VWF: variants seen among roughly 807,000 people sequenced by gnomAD.
VWF encodes the protein von Willebrand factor.
Under a neutral mutation model 308.6 loss-of-function variants are expected in VWF, and 176 were observed. That is an observed-to-expected ratio of 0.57 (90% CI 0.50 to 0.65). The LOEUF (loss-of-function observed/expected upper bound fraction) is 0.65, where lower values mean the gene tolerates loss of function less well. VWF is among the 30% of genes least tolerant of loss of function. The pLI is 0.00. For synonymous variants in VWF, 1,385 were observed against 1,443.4 expected, an observed-to-expected ratio of 0.96 and a Z score of 0.92; for missense variants, 3,146 against 3,648.2, an observed-to-expected ratio of 0.86 and a Z score of 3.55.
At chr12:6,123,219 A>G (rs752390008) in intron 1 of VWF, 23 bp from the exon 2 acceptor site, 14 of 1,614,178 alleles carry the variant, frequency 8.7e-6, no homozygotes, top group Middle Eastern at 3.3e-4. Flanking sequence ...AAGAGACGTG[A>G]GCTGGTCATT....
rs267607326 is a variant in VWF, at chr12:6,022,841, T to C, written c.3437A>G (p.Tyr1146Cys). The change falls in exon 26 of 52, where the codon TAT (tyrosine) becomes TGT (cysteine). Residue 1146 changes from tyrosine (Y) to cysteine (C), a missense_variant. Tyr to Cys is a radical substitution (Grantham distance 194, BLOSUM62 -2). Coordinates refer to ENST00000261405, the MANE Select transcript of VWF (RefSeq NM_000552.5). ...TTGACAGGCAGGTGCACAGCTGTTA[T>C]AGCGCCACTCACACTCATACCCGTT... The part of the protein sequence containing the change: ...RENGYECEWR[Y>C]NSCAPACQVT... The C allele has an allele frequency of 1.8e-6, 1 of 543,518 alleles. No homozygotes were observed. The highest frequency in any genetic ancestry group is 2.6e-5 in the African/African-American group (1 of 37,812). The allele number at this position is 543,518 out of a possible 1,614,324, so 33.7% of individuals were successfully genotyped here.
Position 6,022,384 on chromosome 12 carries a change from T to C in VWF, c.3539-349A>G, listed in dbSNP as rs543490361. On this transcript the variant is annotated intron_variant, in intron 26 of 51. Transcript: ENST00000261405. ...AGGATCGTCACAAACTGCGTGTGGCTATTTACGTTAAATTAAGTAAAATTC... is the reference window on the plus strand; with the variant it reads ...AGGATCGTCACAAACTGCGTGTGGCCATTTACGTTAAATTAAGTAAAATTC... Among the ~76,000 whole-genome samples, 11 of 152,284 alleles carry C rather than the reference T, an allele frequency of 7.2e-5. No individual in the cohort carries two copies. The South Asian group carries it at 2.1e-3, about 29-fold the overall frequency.
At chr12:6,030,288 A>C (rs940010255) in intron 21 of VWF, among the ~76,000 whole-genome samples, 27 of 152,210 alleles carry the variant, frequency 1.8e-4, no homozygotes, top group African/African-American at 6.3e-4. Context: ...ACTCTGCCCT[A>C]AATAGAGCTG....
intron 18 of VWF, among the ~76,000 whole-genome samples, chr12:6,039,507 C>T (rs927467896): frequency 1.3e-5 from 2 of 152,180 alleles, no homozygotes; most frequent in Admixed American, 6.5e-5. Flanking sequence ...CAGAAGCTTG[C>T]GAGGAGGAGA....
At chr12:6,110,674 T>C (rs1182138199) in intron 4 of VWF, 92 bp from the exon 5 acceptor site, 7 of 1,456,364 alleles carry the variant, frequency 4.8e-6, no homozygotes, top group Non-Finnish European at 6.7e-6. Flanking sequence ...TGTTGTAGGG[T>C]TCAGAACATG....
Position 6,044,303 on chromosome 12 carries a change from G to A in VWF, c.2430C>T (p.Cys810=), listed in dbSNP as rs746648486. ...CCTGGTGACTCACCATGCCCGGGGGGCAGAGGCAGCCAGAGACACAGCCCA... is the reference window on the plus strand; with the variant it reads ...CCTGGTGACTCACCATGCCCGGGGGACAGAGGCAGCCAGAGACACAGCCCA... ...MSMGCVSGCL[C]PPGMVRHENR... Residue 810 remains cysteine (C), a synonymous_variant, in exon 18 of 52, where the codon TGC becomes TGT. Transcript: ENST00000261405. The A allele has an allele frequency of 3.1e-6, 5 of 1,613,976 alleles. No individual in the cohort carries two copies. The South Asian group carries it at 3.3e-5, about 11-fold the overall frequency.
chr12:6,095,614 C>T, intron 5 of VWF, 30 bp from the exon 6 acceptor site: 2 of 1,613,970 alleles, frequency 1.2e-6, no homozygotes, highest in African/African-American at 2.7e-5. Flanking sequence ...GAAAGTAATG[C>T]TTCAGTTATG....
At position 6,058,519 on chromosome 12, in the gene VWF, C is replaced by T. The variant is rs1944618641; in HGVS notation, c.1534-475G>A. On this transcript the variant is annotated intron_variant, in intron 13 of 51. Coordinates refer to ENST00000261405, the MANE Select transcript of VWF (RefSeq NM_000552.5). The surrounding 1 kb of genome is among the most constrained non-coding windows in gnomAD (Gnocchi z 4.9). ...ATAGAAAGACTTCGCGTTGGTCACT[C>T]GGTGTGGGCCCAGCAGGCTGCCAGG... Among the ~76,000 whole-genome samples, 1 of 152,172 alleles carries T rather than the reference C, an allele frequency of 6.6e-6. No individual in the cohort carries two copies. The highest frequency in any genetic ancestry group is 2.4e-5 in the African/African-American group (1 of 41,432).
Position 5,952,474 on chromosome 12 carries a change from C to T in VWF, c.8032G>A (p.Val2678Ile). 6.2e-7 allele frequency: 1 copy of T among 1,614,114 alleles called. No homozygotes were observed. Among genetic ancestry groups the T allele is most frequent in the Non-Finnish European group, 8.5e-7 (1 of 1,179,984 alleles). Reference protein sequence around the residue: ...QDGCDTHFCKVNERGEYFWEK... With the variant: ...QDGCDTHFCKINERGEYFWEK... Reference sequence around the variant, plus strand: ...CAGAAGTACTCTCCTCTCTCATTGACCTTGCAGAAGTGAGTATCACAGCCA... The same window carrying T: ...CAGAAGTACTCTCCTCTCTCATTGATCTTGCAGAAGTGAGTATCACAGCCA... Residue 2678 changes from valine to isoleucine, a missense_variant, in exon 49 of 52, where the codon GTC (valine) becomes ATC (isoleucine). Physicochemically the swap from Val to Ile is conservative, Grantham distance 29. This residue lies in a region of VWF where 989 missense variants were observed against 1,117.4 expected (regional missense o/e 0.89). Coordinates refer to ENST00000261405, the MANE Select transcript of VWF (RefSeq NM_000552.5).
In VWF at chr12:5,949,356, A is replaced by G. The variant is rs576530553; in HGVS notation, c.8254-153T>C. Among the ~76,000 whole-genome samples, 11 of 152,338 alleles carry G rather than the reference A, an allele frequency of 7.2e-5. No homozygotes were observed. The East Asian group carries it at 1.7e-3, about 24-fold the overall frequency. ...CACCCAGGACAGCTAGGCAATTTGT[A>G]AAGGAAGATCATAGGTCTGACATGT... On this transcript the variant is annotated intron_variant, in intron 51 of 51. Coordinates refer to ENST00000261405, the MANE Select transcript of VWF (RefSeq NM_000552.5).
At chr12:6,115,949 T>C (rs1945360102) in intron 3 of VWF, among the ~76,000 whole-genome samples, 1 of 152,176 alleles carries the variant, frequency 6.6e-6, no homozygotes, top group Admixed American at 6.5e-5. Context: ...AATCCCCTTT[T>C]TGCAACACAA....
intron 3 of VWF, 31 bp from the exon 4 acceptor site, chr12:6,110,999 T>C: frequency 6.4e-7 from 1 of 1,556,932 alleles, no homozygotes; most frequent in East Asian, 2.2e-5. Context: ...TAGTAGTGAT[T>C]ATTACTCCTC....
Position 6,019,878 on chromosome 12 carries a change from AT to A in VWF, c.3675-136del. ...ACCTGAACTTGAGATCCCATGGACC[AT>A]TCCACATCCAAGTGAGATGTCATTG... On this transcript the variant is annotated intron_variant, in intron 27 of 51. Coordinates refer to ENST00000261405, the MANE Select transcript of VWF (RefSeq NM_000552.5). This position sits in a 1 kb window ranked among gnomAD's most constrained non-coding sequence, Gnocchi z 5.8. 2 of 1,009,534 alleles carry A rather than the reference AT, an allele frequency of 2.0e-6. No individual in the cohort carries two copies. The highest frequency in any genetic ancestry group is 3.0e-6 in the Non-Finnish European group (2 of 669,482). 62.5% of individuals were successfully genotyped at this position (1,009,534 alleles called of 1,614,324 possible).
chr12:6,016,443 T>C, intron 30 of VWF, 73 bp downstream of exon 30: 1 of 1,537,506 alleles, frequency 6.5e-7, no homozygotes. Context: ...CTGGCCGAGG[T>C]CACACAGTCA....
chr12:5,988,432 C>A (rs78064719), intron 38 of VWF, among the ~76,000 whole-genome samples: 1,754 of 152,214 alleles, frequency 0.012, 42 homozygotes, highest in African/African-American at 0.04. Flanking sequence ...TGAGGGGATG[C>A]GGAAGGAGAG....
At chr12:6,068,835 C>CGTGTGTGTGTGTGT (rs34977515) in intron 10 of VWF, among the ~76,000 whole-genome samples, 1 of 91,308 alleles carries the variant, frequency 1.1e-5, no homozygotes, top group African/African-American at 5.3e-5. Context: ...TTTTTTTTTG[C>CGTGTGTGTGTGTGT]GTGTGTGTGT....
chr12:6,120,786 C>G (rs932922767), intron 3 of VWF, among the ~76,000 whole-genome samples: 8 of 152,156 alleles, frequency 5.3e-5, no homozygotes, highest in Non-Finnish European at 1.2e-4. Context: ...TCAGCATAAG[C>G]TGATGTTCTG....
chr12:5,997,208 TC>T (rs1943816688), intron 34 of VWF, among the ~76,000 whole-genome samples: 1 of 152,110 alleles, frequency 6.6e-6, no homozygotes, highest in Non-Finnish European at 1.5e-5. Flanking sequence ...CTACTAAAAA[TC>T]CCCTATGTCC....
intron 43 of VWF, among the ~76,000 whole-genome samples, chr12:5,975,316 C>G (rs553300299): frequency 1.3e-5 from 2 of 152,376 alleles, no homozygotes; most frequent in East Asian, 1.9e-4. Context: ...GCCCTGGCAC[C>G]TCTTCTCTTA....
Sources: allele counts gnomAD v4.1 joint callset (sites outside exome capture counted in the v4.1 genomes callset), GRCh38; gene constraint gnomAD v4.1.1; regional missense constraint gnomAD v4.1.1; non-coding constraint Gnocchi (gnomAD v3.1); transcripts MANE v1.5; gene names NCBI Gene and HGNC (gene_info 2026-07-23, HGNC 2026-07-21).